Variants in IL16 observed in about 807,000 individuals in gnomAD.
The protein encoded by IL16 is pro-interleukin-16.
Under a neutral mutation model 110.1 loss-of-function variants are expected in IL16, and 67 were observed. The ratio of observed to expected loss-of-function variants is 0.61; its 90% CI spans 0.50 to 0.75. IL16 has a LOEUF of 0.75. IL16 is among the 30% of genes least tolerant of loss of function. The pLI is 0.00. For synonymous variants in IL16, 689 were observed against 662.9 expected, an observed-to-expected ratio of 1.04 and a Z score of -0.61; for missense variants, 1,545 against 1,655.0, an observed-to-expected ratio of 0.93 and a Z score of 1.15.
chr15:81,217,032 TAAAAC>T (rs372957432), intron 1 of IL16, among the ~76,000 whole-genome samples: 1,858 of 151,442 alleles, frequency 0.012, 36 homozygotes, highest in Middle Eastern at 0.044. Flanking sequence ...AGAAAAAAAA[TAAAAC>T]AAATAAAAGC....
intron 1 of IL16, among the ~76,000 whole-genome samples, chr15:81,185,827 G>A (rs1452201974): frequency 1.3e-5 from 2 of 152,170 alleles, no homozygotes; most frequent in Non-Finnish European, 2.9e-5. Flanking sequence ...GTGTGTGGGA[G>A]TTACACTGGG....
intron 13 of IL16, among the ~76,000 whole-genome samples, chr15:81,298,458 ACTC>A (rs1013918939): frequency 3.3e-5 from 5 of 151,832 alleles, no homozygotes; most frequent in Non-Finnish European, 7.4e-5. Context: ...TCTGAGAAAG[ACTC>A]CTATGTGCTC....
intron 1 of IL16, among the ~76,000 whole-genome samples, chr15:81,184,889 G>A (rs554940485): frequency 6.6e-6 from 1 of 152,324 alleles, no homozygotes; most frequent in South Asian, 2.1e-4. Context: ...TTTCACATGT[G>A]CAGATTCTGA....
At chr15:81,222,657 C>T (rs1022297236) in intron 1 of IL16, among the ~76,000 whole-genome samples, 3 of 151,902 alleles carry the variant, frequency 2.0e-5, no homozygotes, top group South Asian at 2.1e-4. Flanking sequence ...CAGCAAAGTC[C>T]AGAAGGATTT....
chr15:81,292,498 G>C (rs775509524), intron 11 of IL16, 58 bp from the exon 12 acceptor site: 16 of 1,612,484 alleles, frequency 9.9e-6, no homozygotes, highest in East Asian at 2.2e-5. Flanking sequence ...GTGAGGCCAG[G>C]GGGTATTTCT....
chr15:81,198,383 T>C (rs868774437), intron 1 of IL16, among the ~76,000 whole-genome samples: 3 of 152,194 alleles, frequency 2.0e-5, no homozygotes, highest in Middle Eastern at 6.8e-3. Context: ...CAAACCCAGC[T>C]TGACTCCAAA....
intron 11 of IL16, 97 bp from the exon 12 acceptor site, chr15:81,292,459 G>A (rs781046777): frequency 1.5e-5 from 23 of 1,550,370 alleles, no homozygotes; most frequent in Non-Finnish European, 2.0e-5. Flanking sequence ...GATGGCCGAT[G>A]TGCAGTGTGC....
rs527587624 is a variant in IL16, at chr15:81,306,345, G to A, written c.3680-75G>A. The A allele has an allele frequency of 6.3e-6, 10 of 1,588,476 alleles. No homozygotes were observed. The South Asian group carries it at 1.1e-4, about 18-fold the overall frequency. On this transcript the variant is annotated intron_variant, in intron 17 of 18. Transcript: ENST00000683961. ...AAACACGGGGGCTGTATCACCCCGGGCTCACTTGAAGCCCAGGGCATCTGT... is the reference window on the plus strand; with the variant it reads ...AAACACGGGGGCTGTATCACCCCGGACTCACTTGAAGCCCAGGGCATCTGT...
intron 10 of IL16, chr15:81,289,980 A>G (rs1311869608): frequency 4.8e-6 from 2 of 416,216 alleles, no homozygotes; most frequent in Non-Finnish European, 9.3e-6. Context: ...AACCGGGACT[A>G]GAACACAAGC....
chr15:81,196,922 G>A lies in IL16; in HGVS notation c.-332G>A. ...CTGTCCAGAGCAGGTGGTGAATATTGTGTCCTACTCACGGCATCTCAACTA... is the reference window on the plus strand; with the variant it reads ...CTGTCCAGAGCAGGTGGTGAATATTATGTCCTACTCACGGCATCTCAACTA... On this transcript the variant is annotated 5_prime_UTR_variant, in exon 1 of 19. In the 5' UTR this introduces an upstream ATG that the reference lacks. Transcript: ENST00000683961. 8.1e-7 allele frequency: 1 copy of A among 1,232,168 alleles called. No homozygotes were observed. The highest frequency in any genetic ancestry group is 1.0e-6 in the Non-Finnish European group (1 of 965,270). The allele number at this position is 1,232,168 out of a possible 1,614,324, so 76.3% of individuals were successfully genotyped here.
intron 1 of IL16, among the ~76,000 whole-genome samples, chr15:81,199,030 AATATATATAT>A (rs60097662): frequency 9.6e-6 from 1 of 104,202 alleles, no homozygotes; most frequent in South Asian, 3.3e-4. Context: ...AAAAAAAAAA[AATATATATAT>A]ATATATATAT....
At chr15:81,256,457 C>T (rs1276965099) in intron 2 of IL16, among the ~76,000 whole-genome samples, 1 of 151,870 alleles carries the variant, frequency 6.6e-6, no homozygotes. Flanking sequence ...CCTCAGCCTC[C>T]CAAGTAGCTG....
intron 1 of IL16, among the ~76,000 whole-genome samples, chr15:81,219,806 A>T (rs537513108): frequency 2.3e-4 from 35 of 152,216 alleles, no homozygotes; most frequent in African/African-American, 8.2e-4. Context: ...ACTTCACATG[A>T]TGTTGGTGCA....
Position 81,225,407 on chromosome 15 carries a change from C to T in IL16, c.8C>T (p.Ser3Leu), listed in dbSNP as rs759686946. The change falls in exon 2 of 19, where the codon TCG (serine) becomes TTG (leucine). Residue 3 changes from serine (S) to leucine (L), a missense_variant. Physicochemically the swap from Ser to Leu is moderately radical, Grantham distance 145. Around this residue, in one of 3 missense-constraint regions of IL16, gnomAD observed 1,185 missense variants for 1,238.8 expected, o/e 0.96. Coordinates refer to ENST00000683961, the MANE Select transcript of IL16 (RefSeq NM_172217.5). ...TTCACTTCCTCTTTGAGGATGGAGT[C>T]GCACAGCCGCGCTGGAAAGAGCAGA... Reference protein sequence around the residue: MESHSRAGKSRKS... With the variant: MELHSRAGKSRKS... The T allele has an allele frequency of 1.5e-5, 25 of 1,613,710 alleles. No homozygotes were observed. Among genetic ancestry groups the T allele is most frequent in the Admixed American group, 1.2e-4 (7 of 59,998 alleles).
chr15:81,292,917 C>G lies in IL16; in HGVS notation c.1782C>G (p.Ser594=). ...AGATTTTGGTGAGAAAGCCTATGTC[C>G]TCCAAGCCCAAGCCTCCACCCAGAA... ...SFEILVRKPM[S]SKPKPPPRKY... Residue 594 remains serine, a synonymous_variant, in exon 12 of 19, where the codon TCC becomes TCG. Coordinates refer to ENST00000683961, the MANE Select transcript of IL16 (RefSeq NM_172217.5). 2 of 1,614,212 alleles carry G rather than the reference C, an allele frequency of 1.2e-6. No homozygotes were observed. Among genetic ancestry groups the G allele is most frequent in the Non-Finnish European group, 1.7e-6 (2 of 1,180,048 alleles).
chr15:81,204,164 A>T (rs1314936168), intron 1 of IL16, among the ~76,000 whole-genome samples: 1 of 152,184 alleles, frequency 6.6e-6, no homozygotes, highest in Non-Finnish European at 1.5e-5. Flanking sequence ...ATTTTTATAC[A>T]TTGATTTTGT....
intron 9 of IL16, among the ~76,000 whole-genome samples, chr15:81,284,455 A>ATGTGGT (rs1401238505): frequency 6.6e-6 from 1 of 152,178 alleles, no homozygotes; most frequent in African/African-American, 2.4e-5. Context: ...TGCAGGTTCC[A>ATGTGGT]TGTGGTTGTC....
intron 1 of IL16, among the ~76,000 whole-genome samples, chr15:81,224,828 A>G (rs558919110): frequency 1.7e-3 from 252 of 152,316 alleles, no homozygotes; most frequent in Admixed American, 4.1e-3. Flanking sequence ...GAAGTTACCA[A>G]GGGGACCAGG....
Position 81,311,713 on chromosome 15 carries a change from T to C in IL16, c.*2915T>C, listed in dbSNP as rs1025023471. The C allele has an allele frequency of 1.3e-5, 2 of 152,124 alleles. No individual in the cohort carries two copies. The highest frequency in any genetic ancestry group is 4.8e-5 in the African/African-American group (2 of 41,404). The allele number at this position is 152,124 out of a possible 1,614,324, so 9.4% of individuals were successfully genotyped here. A position where few individuals can be genotyped will look rare whatever the true frequency, so the allele number is the denominator to read the frequency against. ...TAGAATTGGCTGAACTCATGAGAAG[T>C]TGATATAGAACAGTGCTTGCCACAG... On this transcript the variant is annotated 3_prime_UTR_variant, in exon 19 of 19. Transcript: ENST00000683961.
Sources: allele counts gnomAD v4.1 joint callset (sites outside exome capture counted in the v4.1 genomes callset), GRCh38; gene constraint gnomAD v4.1.1; regional missense constraint gnomAD v4.1.1; transcripts MANE v1.5; gene names NCBI Gene and HGNC (gene_info 2026-07-23, HGNC 2026-07-21).